The following TNN variants were observed in gnomAD, a reference collection of about 807,000 sequenced individuals.
The protein encoded by TNN is tenascin N.
In TNN, 122 loss-of-function variants were observed where a neutral mutation model predicts 134.4. The ratio of observed to expected loss-of-function variants is 0.91; its 90% CI spans 0.78 to 1.06. The LOEUF (loss-of-function observed/expected upper bound fraction) is 1.06, where lower values mean the gene tolerates loss of function less well. Ranked by LOEUF, TNN falls within the 50% of genes least tolerant of loss-of-function variation. The pLI is 0.00. For missense variants in TNN, 1,739 were observed against 1,699.4 expected, an observed-to-expected ratio of 1.02 and a Z score of -0.41; for synonymous variants, 710 against 670.3, an observed-to-expected ratio of 1.06 and a Z score of -0.91.
chr1:175,111,023 GA>G (rs749532806), intron 9 of TNN, among the ~76,000 whole-genome samples: 579 of 134,196 alleles, frequency 4.3e-3, no homozygotes, highest in Non-Finnish European at 6.6e-3. Flanking sequence ...AAAAATACAA[GA>G]AAAAAAAAAA....
chr1:175,131,880 A>G (rs1488894104), intron 15 of TNN, among the ~76,000 whole-genome samples: 1 of 150,104 alleles, frequency 6.7e-6, no homozygotes, highest in Non-Finnish European at 1.5e-5. Context: ...CACCAGAATC[A>G]TTTTTGGAAG....
intron 9 of TNN, among the ~76,000 whole-genome samples, chr1:175,100,231 C>T (rs1029617573): frequency 6.6e-6 from 1 of 152,230 alleles, no homozygotes; most frequent in Admixed American, 6.5e-5. Flanking sequence ...CTGCAGAGGT[C>T]TATCTTGTGC....
At position 175,077,621 on chromosome 1, in the gene TNN, A is replaced by T. The variant is rs772289212; in HGVS notation, c.203A>T (p.Asp68Val). 6.2e-7 allele frequency: 1 copy of T among 1,614,074 alleles called. No individual in the cohort carries two copies. The highest frequency in any genetic ancestry group is 2.2e-5 in the East Asian group (1 of 44,902). Residue 68 changes from aspartate (D) to valine (V), a missense_variant, in exon 2 of 19, where the codon GAT becomes GTT. By Grantham distance (152) the Asp-to-Val change is radical. Transcript: ENST00000239462. ...VDADPQPLSD[D>V]GASLLALGEA... ...GCTGACCCTCAGCCCCTCAGTGACG[A>T]TGGGGCTTCGCTCTTGGCCCTGGGG...
intron 15 of TNN, among the ~76,000 whole-genome samples, chr1:175,132,719 C>T (rs1196234960): frequency 6.6e-6 from 1 of 152,218 alleles, no homozygotes; most frequent in East Asian, 1.9e-4. Flanking sequence ...CCTCAGCAAT[C>T]CCCACCCATC....
At chr1:175,089,498 G>C (rs750387325) in intron 6 of TNN, among the ~76,000 whole-genome samples, 1 of 152,218 alleles carries the variant, frequency 6.6e-6, no homozygotes, top group East Asian at 1.9e-4. Context: ...AATGTCCCTG[G>C]ACTTCTGCAT....
At chr1:175,068,045 C>T (rs747062540) in intron 1 of TNN, 110 bp downstream of exon 1, 8 of 424,442 alleles carry the variant, frequency 1.9e-5, no homozygotes, top group Non-Finnish European at 3.3e-5. Context: ...CCTGAAAATC[C>T]GGGCAGTGTA....
rs748178358 is a variant in TNN, at chr1:175,135,800, T to C, written c.3331-45T>C. 2.2e-5 allele frequency: 32 copies of C among 1,474,100 alleles called. No homozygotes were observed. The East Asian group carries it at 6.8e-4, about 31-fold the overall frequency. 91.3% of individuals were successfully genotyped at this position (1,474,100 alleles called of 1,614,324 possible). On this transcript the variant is annotated intron_variant, in intron 15 of 18. Coordinates refer to ENST00000239462, the MANE Select transcript of TNN (RefSeq NM_022093.2). ...GTCTTCTCTTGTCTCCCAGCACCTATGTCTGTTTGGAGGGTCAGAGTGAAG... is the reference window on the plus strand; with the variant it reads ...GTCTTCTCTTGTCTCCCAGCACCTACGTCTGTTTGGAGGGTCAGAGTGAAG...
At position 175,135,909 on chromosome 1, in the gene TNN, G is replaced by A; in HGVS notation, c.3395G>A (p.Gly1132Asp). 6.2e-7 allele frequency: 1 copy of A among 1,613,854 alleles called. No homozygotes were observed. The highest frequency in any genetic ancestry group is 1.7e-5 in the Admixed American group (1 of 60,002). Residue 1132 changes from glycine to aspartate, a missense_variant, in exon 16 of 19, where the codon GGC (glycine) becomes GAC (aspartate). By Grantham distance (94) the Gly-to-Asp change is moderately conservative. Coordinates refer to ENST00000239462, the MANE Select transcript of TNN (RefSeq NM_022093.2). ...FFKRWRSYVE[G>D]FGDPMKEFWL... The stretch of plus-strand genomic sequence containing the variant: ...AAGCGATGGAGGAGCTATGTGGAAG[G>A]CTTTGGGGACCCCATGAAGGAGTTC...
In TNN at chr1:175,146,959, A is replaced by C. The variant is rs146012416; in HGVS notation, c.3788A>C (p.His1263Pro). 1.9e-6 allele frequency: 3 copies of C among 1,583,912 alleles called. No individual in the cohort carries two copies. The highest frequency in any genetic ancestry group is 2.6e-6 in the Non-Finnish European group (3 of 1,164,112). ...EGVNWEPWKG[H>P]EFSIPYVELK... is the part of the protein sequence containing the mutation. ...GTGAACTGGGAGCCTTGGAAAGGAC[A>C]TGAATTCTCCATTCCTTACGTGGAG... is the stretch of plus-strand genomic sequence containing the variant. The change falls in exon 19 of 19, where the codon CAT becomes CCT. Residue 1263 changes from histidine to proline, a missense_variant. Transcript: ENST00000239462.
At chr1:175,122,327 G>A (rs1464664512) in intron 11 of TNN, among the ~76,000 whole-genome samples, 1 of 152,222 alleles carries the variant, frequency 6.6e-6, no homozygotes, top group Non-Finnish European at 1.5e-5. Context: ...GGTCAAGGCT[G>A]CAGTGACCTA....
intron 6 of TNN, among the ~76,000 whole-genome samples, chr1:175,087,727 C>T (rs1280854785): frequency 1.3e-5 from 2 of 152,180 alleles, no homozygotes; most frequent in African/African-American, 4.8e-5. Context: ...TGGAAATAGC[C>T]TCAGATCCCA....
rs1455834938 is a variant in TNN, at chr1:175,094,143, A to C, written c.1478A>C (p.Glu493Ala). Residue 493 changes from glutamate (E) to alanine (A), a missense_variant, in exon 7 of 19, where the codon GAG becomes GCG. Coordinates refer to ENST00000239462, the MANE Select transcript of TNN (RefSeq NM_022093.2). ...AAGGAAATGGCAGTGCACAAGGATGAGAGCAGCACTGTCCTGACGGGCCTG... is the reference window on the plus strand; with the variant it reads ...AAGGAAATGGCAGTGCACAAGGATGCGAGCAGCACTGTCCTGACGGGCCTG... ...DTKEMAVHKDESSTVLTGLKP... is the reference protein window; with the variant it reads ...DTKEMAVHKDASSTVLTGLKP... The C allele has an allele frequency of 6.2e-7, 1 of 1,614,228 alleles. No homozygotes were observed. The highest frequency in any genetic ancestry group is 1.7e-5 in the Admixed American group (1 of 60,030).
At chr1:175,096,343 C>T (rs1314574222) in intron 7 of TNN, among the ~76,000 whole-genome samples, 1 of 152,156 alleles carries the variant, frequency 6.6e-6, no homozygotes, top group Non-Finnish European at 1.5e-5. Context: ...GTGTTTGGTG[C>T]ACTAGTGAAG....
intron 9 of TNN, among the ~76,000 whole-genome samples, chr1:175,100,078 C>G (rs1003525399): frequency 2.0e-5 from 3 of 152,210 alleles, no homozygotes; most frequent in Non-Finnish European, 2.9e-5. Flanking sequence ...TACAGCCTGT[C>G]TTTGCTCTGT....
chr1:175,118,718 C>T lies in TNN; in HGVS notation c.2544C>T (p.Ser848=). The change falls in exon 11 of 19, where the codon AGC becomes AGT. Residue 848 remains serine (S), a synonymous_variant. Coordinates refer to ENST00000239462, the MANE Select transcript of TNN (RefSeq NM_022093.2). ...AGGTTCCAGTGGGGAAGGAGCAGAG[C>T]AGCACTGTCCTGACGGGCCTGAGGC... ...TREVPVGKEQ[S]STVLTGLRPG... The T allele has an allele frequency of 1.2e-6, 2 of 1,614,212 alleles. No individual in the cohort carries two copies. The highest frequency in any genetic ancestry group is 1.1e-5 in the South Asian group (1 of 91,084).
chr1:175,146,413 C>T (rs1008113665), intron 18 of TNN, among the ~76,000 whole-genome samples: 2 of 152,090 alleles, frequency 1.3e-5, no homozygotes, highest in African/African-American at 2.4e-5. Flanking sequence ...AATATTATTG[C>T]GCTCACCAGT....
chr1:175,147,318 T>G lies in TNN; in HGVS notation c.*247T>G. 1 of 366,084 alleles carries G rather than the reference T, an allele frequency of 2.7e-6. No homozygotes were observed. The highest frequency in any genetic ancestry group is 4.8e-6 in the Non-Finnish European group (1 of 206,342). 22.7% of individuals were successfully genotyped at this position (366,084 alleles called of 1,614,324 possible). On this transcript the variant is annotated 3_prime_UTR_variant, in exon 19 of 19. Coordinates refer to ENST00000239462, the MANE Select transcript of TNN (RefSeq NM_022093.2). Reference sequence around the variant, plus strand: ...AAGACAGTACTGGAACGGCAAGGTTTCTCAGCTTATCTTCAGCAACATATA... The same window carrying G: ...AAGACAGTACTGGAACGGCAAGGTTGCTCAGCTTATCTTCAGCAACATATA...
At chr1:175,090,199 G>A (rs549889642) in intron 6 of TNN, among the ~76,000 whole-genome samples, 6 of 152,212 alleles carry the variant, frequency 3.9e-5, no homozygotes, top group Non-Finnish European at 8.8e-5. Context: ...ACAGCTAGCT[G>A]GTACAACTTA....
intron 1 of TNN, among the ~76,000 whole-genome samples, chr1:175,069,094 A>G (rs1427145651): frequency 6.6e-6 from 1 of 152,178 alleles, no homozygotes; most frequent in Non-Finnish European, 1.5e-5. Flanking sequence ...AGCATTAAAA[A>G]AAAGAACAAG....
Sources: allele counts gnomAD v4.1 joint callset (sites outside exome capture counted in the v4.1 genomes callset), GRCh38; gene constraint gnomAD v4.1.1; transcripts MANE v1.5; gene names NCBI Gene and HGNC (gene_info 2026-07-23, HGNC 2026-07-21).